ADGRE1: variants seen among roughly 807,000 people sequenced by gnomAD.
The protein encoded by ADGRE1 is adhesion G protein-coupled receptor E1.
ADGRE1 carries 82 observed loss-of-function variants against 102.7 expected under a neutral mutation model. The ratio of observed to expected loss-of-function variants is 0.80; its 90% CI spans 0.67 to 0.96. The LOEUF (loss-of-function observed/expected upper bound fraction) is 0.96. Ranked by LOEUF, ADGRE1 falls within the 40% of genes least tolerant of loss-of-function variation. The probability of loss-of-function intolerance (pLI) is 0.00; values close to 1 mark genes in which losing one functional copy is unlikely to be tolerated. For missense variants in ADGRE1, 1,032 were observed against 1,085.3 expected, an observed-to-expected ratio of 0.95 and a Z score of 0.69; for synonymous variants, 398 against 399.6, an observed-to-expected ratio of 1.00 and a Z score of 0.05.
intron 17 of ADGRE1, among the ~76,000 whole-genome samples, chr19:6,933,742 C>T (rs1975264083): frequency 6.6e-6 from 1 of 152,066 alleles, no homozygotes; most frequent in African/African-American, 2.4e-5. Context: ...CCATTTAGTG[C>T]ATAGAAGCCA....
At chr19:6,937,780 G>A (rs1337792638) in intron 20 of ADGRE1, 132 bp downstream of exon 20, 34 of 676,826 alleles carry the variant, frequency 5.0e-5, no homozygotes, top group Non-Finnish European at 7.2e-5. Flanking sequence ...CATGGATGAA[G>A]TGTGGAGTTG....
intron 17 of ADGRE1, among the ~76,000 whole-genome samples, chr19:6,933,224 T>G (rs1276513126): frequency 6.6e-6 from 1 of 151,936 alleles, no homozygotes; most frequent in Non-Finnish European, 1.5e-5. Flanking sequence ...TCCGTCTCAA[T>G]AATAATAGTA....
At chr19:6,924,974 G>T (rs1974837219) in intron 15 of ADGRE1, 102 bp downstream of exon 15, 6 of 1,260,560 alleles carry the variant, frequency 4.8e-6, no homozygotes, top group Admixed American at 2.0e-5. Flanking sequence ...CTACCTCAGG[G>T]CCTTTGCATA....
At chr19:6,915,272 A>G in intron 11 of ADGRE1, among the ~76,000 whole-genome samples, 1 of 152,122 alleles carries the variant, frequency 6.6e-6, no homozygotes, top group Non-Finnish European at 1.5e-5. Flanking sequence ...CTCCCAAAGT[A>G]CTAGGATTAC....
At chr19:6,937,006 C>T (rs1366385776) in intron 18 of ADGRE1, among the ~76,000 whole-genome samples, 1 of 152,194 alleles carries the variant, frequency 6.6e-6, no homozygotes, top group African/African-American at 2.4e-5. Flanking sequence ...GACCTGCCCA[C>T]CTCGGCCTCC....
At chr19:6,918,012 G>A (rs1353027101) in intron 12 of ADGRE1, among the ~76,000 whole-genome samples, 1 of 152,186 alleles carries the variant, frequency 6.6e-6, no homozygotes, top group Non-Finnish European at 1.5e-5. Context: ...AATTAGAAGG[G>A]AGAAGTGGGG....
chr19:6,913,858 A>G lies in ADGRE1; in HGVS notation c.1300+28A>G, dbSNP rs543374546. ...AGGAGACACCCTTTGTGGCAAGGTTACACCTAGGGGATGATTTTGAAAGTT... is the reference window on the plus strand; with the variant it reads ...AGGAGACACCCTTTGTGGCAAGGTTGCACCTAGGGGATGATTTTGAAAGTT... On this transcript the variant is annotated intron_variant, in intron 11 of 20. Coordinates refer to ENST00000312053, the MANE Select transcript of ADGRE1 (RefSeq NM_001974.5). 4 of 1,517,886 alleles carry G rather than the reference A, an allele frequency of 2.6e-6. No homozygotes were observed. The South Asian group carries it at 5.2e-5, about 20-fold the overall frequency. The allele number at this position is 1,517,886 out of a possible 1,614,324, so 94.0% of individuals were successfully genotyped here.
At chr19:6,896,589 A>AT (rs754380242) in intron 3 of ADGRE1, 48 bp downstream of exon 3, 3 of 1,595,916 alleles carry the variant, frequency 1.9e-6, no homozygotes, top group Non-Finnish European at 1.7e-6. Flanking sequence ...AGGAAAATCA[A>AT]GTCAAAGCTG....
chr19:6,908,888 C>G, intron 10 of ADGRE1, 116 bp downstream of exon 10: 8 of 904,112 alleles, frequency 8.8e-6, no homozygotes, highest in Non-Finnish European at 1.3e-5. Context: ...AATCCCAGCA[C>G]TTTGGGAGAT....
At position 6,919,704 on chromosome 19, in the gene ADGRE1, A is replaced by T; in HGVS notation, c.1577A>T (p.Asp526Val). Residue 526 changes from aspartate to valine, a missense_variant, in exon 13 of 21, where the codon GAC (aspartate) becomes GTC (valine). Coordinates refer to ENST00000312053, the MANE Select transcript of ADGRE1 (RefSeq NM_001974.5). ...VGGIMTGEKK[D>V]GFSDPIIYTL... The stretch of plus-strand genomic sequence containing the variant: ...GGCATAATGACTGGAGAGAAGAAAG[A>T]CGGCTTCTCAGATCCAATCATCTAC... The T allele has an allele frequency of 6.2e-7, 1 of 1,613,450 alleles. No individual in the cohort carries two copies. The highest frequency in any genetic ancestry group is 8.5e-7 in the Non-Finnish European group (1 of 1,179,800).
Position 6,921,875 on chromosome 19 carries a change from G to A in ADGRE1, c.1783G>A (p.Glu595Lys). The stretch of plus-strand genomic sequence containing the variant: ...TCTTGCCGTTATCATGGCGTCTGGG[G>A]AGCTCACGGTCAGTACTGATGATTT... ...ANLAVIMASG[E>K]LTMDFSLYII... Residue 595 changes from glutamate to lysine, a missense_variant, in exon 14 of 21, where the codon GAG becomes AAG. Coordinates refer to ENST00000312053, the MANE Select transcript of ADGRE1 (RefSeq NM_001974.5). The A allele has an allele frequency of 6.2e-7, 1 of 1,613,396 alleles. No homozygotes were observed. The highest frequency in any genetic ancestry group is 8.5e-7 in the Non-Finnish European group (1 of 1,179,744).
intron 8 of ADGRE1, among the ~76,000 whole-genome samples, chr19:6,905,360 C>T (rs1003798957): frequency 2.4e-4 from 32 of 134,386 alleles, no homozygotes; most frequent in African/African-American, 3.1e-4. Flanking sequence ...GTTTTTTTTT[C>T]TTTTTTTTTT....
chr19:6,887,668 G>A (rs1973201187), intron 1 of ADGRE1, 29 bp downstream of exon 1: 1 of 1,603,748 alleles, frequency 6.2e-7, no homozygotes, highest in Admixed American at 1.7e-5. Flanking sequence ...GGGGGGCTAG[G>A]GGAGGCCTGG....
chr19:6,908,555 AGAATTCTAGAGACTCAG>A, intron 9 of ADGRE1, 117 bp from the exon 10 acceptor site: 2 of 644,032 alleles, frequency 3.1e-6, no homozygotes, highest in Non-Finnish European at 5.2e-6. Flanking sequence ...AGTTTCCCTG[AGAATTCTAGAGACTCAG>A]GAATTCAGAG....
chr19:6,888,835 A>C (rs1973239643), intron 1 of ADGRE1, among the ~76,000 whole-genome samples: 1 of 152,256 alleles, frequency 6.6e-6, no homozygotes, highest in South Asian at 2.1e-4. Context: ...GCCTGTGGAC[A>C]TCAAATGTAG....
intron 17 of ADGRE1, among the ~76,000 whole-genome samples, chr19:6,932,789 A>C (rs1975218093): frequency 2.0e-5 from 3 of 152,188 alleles, no homozygotes; most frequent in Non-Finnish European, 4.4e-5. Flanking sequence ...TTGAAATGCC[A>C]AGTTCTCCCC....
intron 18 of ADGRE1, among the ~76,000 whole-genome samples, chr19:6,936,058 G>C (rs1273801791): frequency 1.3e-5 from 2 of 152,144 alleles, no homozygotes; most frequent in African/African-American, 2.4e-5. Context: ...TTTATTGTCA[G>C]TAACCTAATA....
chr19:6,922,029 C>A, intron 14 of ADGRE1, 146 bp downstream of exon 14: 1 of 914,408 alleles, frequency 1.1e-6, no homozygotes, highest in South Asian at 2.0e-5. Context: ...AGGTGATATG[C>A]CTTTGCCCCT....
chr19:6,889,352 A>G (rs1973267126), intron 1 of ADGRE1, among the ~76,000 whole-genome samples: 2 of 152,086 alleles, frequency 1.3e-5, no homozygotes, highest in Non-Finnish European at 2.9e-5. Context: ...GATAATGATG[A>G]TGGTGCAGGA....
Sources: allele counts gnomAD v4.1 joint callset (sites outside exome capture counted in the v4.1 genomes callset), GRCh38; gene constraint gnomAD v4.1.1; transcripts MANE v1.5; gene names NCBI Gene and HGNC (gene_info 2026-07-23, HGNC 2026-07-21).